The following LYZL6 variants were observed in gnomAD, a reference collection of about 807,000 sequenced individuals.
The protein encoded by LYZL6 is lysozyme-like protein 6.
A neutral mutation model predicts 15.0 loss-of-function variants in LYZL6; 21 were observed. The ratio of observed to expected loss-of-function variants is 1.40; its 90% CI spans 1.00 to 2.02. The LOEUF (loss-of-function observed/expected upper bound fraction) is 2.02, where lower values mean the gene tolerates loss of function less well. Ranked by LOEUF, LYZL6 falls within the 30% of genes most tolerant of loss-of-function variation. The probability of loss-of-function intolerance (pLI) is 0.00; values close to 1 mark genes in which losing one functional copy is unlikely to be tolerated. For synonymous variants in LYZL6, 72 were observed against 67.8 expected (o/e 1.06, Z -0.31); for missense variants, 173 against 180.5 (o/e 0.96, Z 0.24).
In LYZL6 at chr17:35,936,570, A is replaced by C. The variant is rs551954599; in HGVS notation, c.377+185T>G. 1.4e-5 allele frequency: 7 copies of C among 511,292 alleles called. 1 individual carries two copies. The South Asian group carries it at 1.7e-4, about 13-fold the overall frequency. 31.7% of individuals were successfully genotyped at this position (511,292 alleles called of 1,614,324 possible). The stretch of plus-strand genomic sequence containing the variant: ...CAAGTTGTTTTCTGTTACTGCAACC[A>C]GAAGAGTTTTGTTTAATACAATATC... On this transcript the variant is annotated intron_variant, in intron 4 of 4. Coordinates refer to ENST00000615905, the MANE Select transcript of LYZL6 (RefSeq NM_020426.4).
At position 35,936,911 on chromosome 17, in the gene LYZL6, G is replaced by A. The variant is rs1051522116; in HGVS notation, c.299-78C>T. ...TGGAGGCAGACACCAGCCCTCCCTG[G>A]ACAGCCCTATGCCACCTAGAGGCTT... On this transcript the variant is annotated intron_variant, in intron 3 of 4. Transcript: ENST00000615905. 6.9e-6 allele frequency: 9 copies of A among 1,307,698 alleles called. No homozygotes were observed. In the African/African-American group the frequency reaches 1.3e-4, roughly 19 times the overall value. 81.0% of individuals were successfully genotyped at this position (1,307,698 alleles called of 1,614,324 possible). A position where few individuals can be genotyped will look rare whatever the true frequency, so the allele number is the denominator to read the frequency against.
chr17:35,935,895 C>G (rs561641525), intron 4 of LYZL6, among the ~76,000 whole-genome samples: 2 of 151,770 alleles, frequency 1.3e-5, no homozygotes, highest in Admixed American at 6.6e-5. Context: ...CTCACTGCAG[C>G]CTCCACCTCC....
rs762383913 is a variant in LYZL6 at position 35,937,833 on chromosome 17, A to G, written c.223T>C (p.Phe75Leu). The change falls in exon 3 of 5, where the codon TTC becomes CTC. Residue 75 changes from phenylalanine to leucine, a missense_variant. Physicochemically the swap from Phe to Leu is conservative, Grantham distance 22 (BLOSUM62 0). Coordinates refer to ENST00000615905, the MANE Select transcript of LYZL6 (RefSeq NM_020426.4). ...CACCAGTAGTGGCTGTTGATCTGGAAGAGGCCATAGTCAAAGCTTCCGTCT... is the reference window on the plus strand; with the variant it reads ...CACCAGTAGTGGCTGTTGATCTGGAGGAGGCCATAGTCAAAGCTTCCGTCT... Reference protein sequence around the residue: ...NADGSFDYGLFQINSHYWCND... With the variant: ...NADGSFDYGLLQINSHYWCND... The G allele has an allele frequency of 2.5e-6, 4 of 1,614,166 alleles. No individual in the cohort carries two copies. The highest frequency in any genetic ancestry group is 1.6e-4 in the Middle Eastern group (1 of 6,062).
chr17:35,935,598 C>T (rs1188917071), intron 4 of LYZL6, among the ~76,000 whole-genome samples: 2 of 151,878 alleles, frequency 1.3e-5, no homozygotes, highest in Non-Finnish European at 2.9e-5. Context: ...CCAGAGAGAT[C>T]CCGGCCCACA....
chr17:35,937,695 A>T, intron 3 of LYZL6, 63 bp downstream of exon 3: 1 of 1,545,186 alleles, frequency 6.5e-7, no homozygotes, highest in Non-Finnish European at 8.8e-7. Flanking sequence ...GTGGGAAGAG[A>T]AGTTCTGTGA....
At position 35,939,400 on chromosome 17, in the gene LYZL6, G is replaced by A. The variant is rs781466984; in HGVS notation, c.-44C>T. ...GCAGCTGAGGGCTGATGGTTCTTAG[G>A]GTCTTGCAGACTTTCTGCTGATCTT... is the stretch of plus-strand genomic sequence containing the variant. On this transcript the variant is annotated 5_prime_UTR_variant, in exon 2 of 5. Coordinates refer to ENST00000615905, the MANE Select transcript of LYZL6 (RefSeq NM_020426.4). The A allele has an allele frequency of 1.4e-5, 22 of 1,590,404 alleles. No individual in the cohort carries two copies. Among genetic ancestry groups the A allele is most frequent in the Non-Finnish European group, 1.9e-5 (22 of 1,163,834 alleles).
chr17:35,937,961 T>C (rs1427420500), intron 2 of LYZL6, 45 bp from the exon 3 acceptor site: 4 of 1,586,774 alleles, frequency 2.5e-6, no homozygotes, highest in Non-Finnish European at 3.4e-6. Context: ...GGGACCAAGC[T>C]GAGTGAGAAG....
chr17:35,936,518 C>G (rs1227713872), intron 4 of LYZL6, among the ~76,000 whole-genome samples: 1 of 152,204 alleles, frequency 6.6e-6, no homozygotes, highest in African/African-American at 2.4e-5. Flanking sequence ...ATCTGGGCCT[C>G]TCAGAATAAA....
chr17:35,939,024 C>T (rs9901969), intron 2 of LYZL6, among the ~76,000 whole-genome samples, 194 bp downstream of exon 2: 133,448 of 152,250 alleles, frequency 0.88, 58,582 homozygotes, highest in East Asian at 1. Flanking sequence ...AGCCCCAGTG[C>T]CTAAAACAGT....
intron 4 of LYZL6, among the ~76,000 whole-genome samples, chr17:35,936,409 A>G (rs2089373593): frequency 6.6e-6 from 1 of 152,200 alleles, no homozygotes; most frequent in African/African-American, 2.4e-5. Context: ...CACCAAGAGA[A>G]GCTGAAACCT....
At chr17:35,938,596 T>C (rs1212686336) in intron 2 of LYZL6, among the ~76,000 whole-genome samples, 2 of 143,290 alleles carry the variant, frequency 1.4e-5, no homozygotes, top group Non-Finnish European at 1.5e-5. Flanking sequence ...CCAGCCTGGG[T>C]GACAGAGCGA....
chr17:35,941,504 A>G (rs1433521994), intron 1 of LYZL6, among the ~76,000 whole-genome samples: 1 of 152,054 alleles, frequency 6.6e-6, no homozygotes, highest in African/African-American at 2.4e-5. Flanking sequence ...TGTGCAAGTT[A>G]TCTATTTGTC....
chr17:35,937,700 C>T, intron 3 of LYZL6, 58 bp downstream of exon 3: 1 of 1,561,800 alleles, frequency 6.4e-7, no homozygotes, highest in Non-Finnish European at 8.7e-7. Flanking sequence ...AAGAGAAGTT[C>T]TGTGAGCAGA....
Position 35,937,893 on chromosome 17 carries a change from T to C in LYZL6, c.163A>G (p.Ser55Gly). 1 of 1,613,992 alleles carries C rather than the reference T, an allele frequency of 6.2e-7. No homozygotes were observed. Among genetic ancestry groups the C allele is most frequent in the Non-Finnish European group, 8.5e-7 (1 of 1,180,014 alleles). ...TTTATCTTTGATATGTTGAACTTGC[T>C]TTCCACAAAAGCCAGGCACAGCCCT... Reference protein sequence around the residue: ...SDWLCLAFVESKFNISKINEN... With the variant: ...SDWLCLAFVEGKFNISKINEN... The change falls in exon 3 of 5, where the codon AGC becomes GGC. Residue 55 changes from serine (S) to glycine (G), a missense_variant. Ser to Gly is a moderately conservative substitution (Grantham distance 56). Coordinates refer to ENST00000615905, the MANE Select transcript of LYZL6 (RefSeq NM_020426.4).
chr17:35,941,945 CA>C (rs2089427357), intron 1 of LYZL6, among the ~76,000 whole-genome samples: 1 of 152,170 alleles, frequency 6.6e-6, no homozygotes, highest in Non-Finnish European at 1.5e-5. Context: ...AGTGGATAAC[CA>C]GACAGTATTT....
intron 4 of LYZL6, among the ~76,000 whole-genome samples, chr17:35,936,376 C>T (rs2735473): frequency 0.031 from 4,653 of 152,214 alleles, 242 homozygotes; most frequent in African/African-American, 0.11. Context: ...AGAAAGTCTG[C>T]GGAGAGAGAA....
Position 35,937,934 on chromosome 17 carries a change from A to G in LYZL6, c.140-18T>C, listed in dbSNP as rs1878721609. The G allele has an allele frequency of 6.2e-7, 1 of 1,610,962 alleles. No homozygotes were observed. Among genetic ancestry groups the G allele is most frequent in the Non-Finnish European group, 8.5e-7 (1 of 1,179,550 alleles). ...GCACAGCCCTTAGAGTAGGGAGAAG[A>G]AGGTCAGGATTTAGAGGGGACCAAG... On this transcript the variant is annotated intron_variant, in intron 2 of 4. Transcript: ENST00000615905.
intron 4 of LYZL6, among the ~76,000 whole-genome samples, chr17:35,936,223 G>A (rs1470848422): frequency 6.6e-6 from 1 of 152,190 alleles, no homozygotes; most frequent in Non-Finnish European, 1.5e-5. Flanking sequence ...GGACCAAGGG[G>A]GCACACATGG....
chr17:35,936,973 T>A, intron 3 of LYZL6, 140 bp from the exon 4 acceptor site: 1 of 697,710 alleles, frequency 1.4e-6, no homozygotes, highest in Non-Finnish European at 2.5e-6. Context: ...GGGGGCCCAT[T>A]TAGACATCCC....
Sources: gnomAD v4.1 joint callset for allele counts (sites outside exome capture counted in the v4.1 genomes callset) on GRCh38, gnomAD v4.1.1 for gene constraint, MANE v1.5 for transcripts, NCBI Gene and HGNC (gene_info 2026-07-23, HGNC 2026-07-21) for gene names.